Variants in GBF1 observed in about 807,000 individuals in gnomAD.
GBF1 encodes Golgi-specific brefeldin A-resistance guanine nucleotide exchange factor 1.
In GBF1, 114 loss-of-function variants were observed where a neutral mutation model predicts 210.5. That is an observed-to-expected ratio of 0.54 (90% confidence interval 0.47 to 0.63). The LOEUF is 0.63. GBF1 is among the 30% of genes least tolerant of loss of function. GBF1 has a pLI of 0.00. For synonymous variants in GBF1, 850 were observed against 889.2 expected, an observed-to-expected ratio of 0.96 and a Z score of 0.78; for missense variants, 1,851 against 2,357.7, an observed-to-expected ratio of 0.79 and a Z score of 4.45.
chr10:102,349,127 C>T (rs530734317), intron 4 of GBF1, among the ~76,000 whole-genome samples: 1 of 151,574 alleles, frequency 6.6e-6, no homozygotes, highest in Non-Finnish European at 1.5e-5. Flanking sequence ...CCAGCCTGGG[C>T]GATAGAGCAA....
At chr10:102,338,407 A>T (rs56223674) in intron 3 of GBF1, among the ~76,000 whole-genome samples, 3,746 of 151,090 alleles carry the variant, frequency 0.025, 75 homozygotes, top group Non-Finnish European at 0.037. Flanking sequence ...CACCAGGCTA[A>T]TTTTTTTTGT....
At chr10:102,233,960 C>T in the GBF1 span, among the ~76,000 whole-genome samples, 1 of 152,162 alleles carries the variant, frequency 6.6e-6, no homozygotes, top group Non-Finnish European at 1.5e-5. Flanking sequence ...AATACTGGGG[C>T]TCAAGACTCT....
chr10:102,301,531 G>T (rs1421041292), intron 3 of GBF1, among the ~76,000 whole-genome samples: 3 of 152,070 alleles, frequency 2.0e-5, no homozygotes. Context: ...GGGCGGAGGG[G>T]CTCCTCACTT....
chr10:102,291,007 TATTGA>T (rs1340962968), intron 3 of GBF1, among the ~76,000 whole-genome samples: 2 of 152,382 alleles, frequency 1.3e-5, no homozygotes, highest in Non-Finnish European at 2.9e-5. Context: ...GGGTTTTTCC[TATTGA>T]ATTATCTGTT....
the GBF1 span, among the ~76,000 whole-genome samples, chr10:102,236,782 G>C: frequency 6.6e-6 from 1 of 152,218 alleles, no homozygotes; most frequent in Non-Finnish European, 1.5e-5. Context: ...GAGGCTGGAG[G>C]CATAACCTGG....
rs1472053289 is a variant in GBF1 at position 102,301,570 on chromosome 10, G to T, written c.163+41454G>T. ...AGACTGGGCAGCTGCCGGGCGGAGGGGCTCCTCACTTCTCAGACGGGGCGG... is the reference window on the plus strand; with the variant it reads ...AGACTGGGCAGCTGCCGGGCGGAGGTGCTCCTCACTTCTCAGACGGGGCGG... On this transcript the variant is annotated intron_variant, in intron 3 of 39. Coordinates refer to ENST00000369983, the MANE Select transcript of GBF1 (RefSeq NM_001377137.1). Among the ~76,000 whole-genome samples the T allele has an allele frequency of 2.0e-5, 3 of 151,886 alleles. No homozygotes were observed. The East Asian group carries it at 5.8e-4, about 29-fold the overall frequency.
intron 3 of GBF1, among the ~76,000 whole-genome samples, chr10:102,262,359 A>G (rs1004805810): frequency 5.9e-5 from 9 of 151,884 alleles, no homozygotes; most frequent in Non-Finnish European, 1.3e-4. Context: ...TTTTAATTTT[A>G]CAGATAAAGC....
chr10:102,367,569 A>T lies in GBF1; in HGVS notation c.2642+9A>T, dbSNP rs1487379125. Reference sequence around the variant, plus strand: ...ATGTACCATGCCATCAAGTGAGTATACATAGAGAATAGTGCAGTATCTCTG... The same window carrying T: ...ATGTACCATGCCATCAAGTGAGTATTCATAGAGAATAGTGCAGTATCTCTG... On this transcript the variant is annotated intron_variant, in intron 21 of 39. Coordinates refer to ENST00000369983, the MANE Select transcript of GBF1 (RefSeq NM_001377137.1). 1 of 1,446,506 alleles carries T rather than the reference A, an allele frequency of 6.9e-7. No homozygotes were observed. The highest frequency in any genetic ancestry group is 9.7e-7 in the Non-Finnish European group (1 of 1,026,714). The allele number at this position is 1,446,506 out of a possible 1,614,324, so 89.6% of individuals were successfully genotyped here.
At chr10:102,378,226 A>G (rs2060628994) in intron 33 of GBF1, among the ~76,000 whole-genome samples, 1 of 151,938 alleles carries the variant, frequency 6.6e-6, no homozygotes, top group South Asian at 2.1e-4. Flanking sequence ...TCAAAAAAAA[A>G]AAAAAGAAAG....
At chr10:102,268,381 C>G (rs900494266) in intron 3 of GBF1, among the ~76,000 whole-genome samples, 6 of 152,202 alleles carry the variant, frequency 3.9e-5, no homozygotes, top group African/African-American at 1.4e-4. Context: ...AATAGTTTAG[C>G]TCTCAAAAAC....
chr10:102,369,222 C>T lies in GBF1; in HGVS notation c.2985C>T (p.Asn995=), dbSNP rs2060074016. 6.2e-7 allele frequency: 1 copy of T among 1,612,422 alleles called. No homozygotes were observed. Among genetic ancestry groups the T allele is most frequent in the African/African-American group, 1.3e-5 (1 of 75,018 alleles). Residue 995 remains asparagine (N), a synonymous_variant, in exon 24 of 40, where the codon AAC becomes AAT. Coordinates refer to ENST00000369983, the MANE Select transcript of GBF1 (RefSeq NM_001377137.1). ...TTCCTCTTTTCCAGTCTATTGAGAACCTGCCCAGTGTATTTGGAAGCAACC... is the reference window on the plus strand; with the variant it reads ...TTCCTCTTTTCCAGTCTATTGAGAATCTGCCCAGTGTATTTGGAAGCAACC... ...FTALSSESIE[N]LPSVFGSNPK... is the part of the protein sequence containing the mutation.
At chr10:102,245,916 G>A (rs988169310) in intron 1 of GBF1, 135 bp downstream of exon 1, 1 of 152,336 alleles carries the variant, frequency 6.6e-6, no homozygotes, top group Non-Finnish European at 1.5e-5. Flanking sequence ...AATAAGACGA[G>A]GGAAGGGTTG....
At chr10:102,378,724 A>G (rs573355436) in intron 33 of GBF1, among the ~76,000 whole-genome samples, 13 of 152,300 alleles carry the variant, frequency 8.5e-5, no homozygotes, top group African/African-American at 2.9e-4. Flanking sequence ...GCTTGGGCCC[A>G]GGAGCTCAAG....
intron 3 of GBF1, among the ~76,000 whole-genome samples, chr10:102,290,829 C>T (rs1243057921): frequency 1.3e-5 from 2 of 152,274 alleles, no homozygotes; most frequent in South Asian, 2.1e-4. Context: ...ATTATTTTCT[C>T]GAAGTAATAG....
At chr10:102,326,317 A>G (rs2056896257) in intron 3 of GBF1, among the ~76,000 whole-genome samples, 1 of 152,176 alleles carries the variant, frequency 6.6e-6, no homozygotes, top group Non-Finnish European at 1.5e-5. Flanking sequence ...CTTCAATGAG[A>G]ATATTATAAG....
chr10:102,277,754 A>G (rs1023463541), intron 3 of GBF1, among the ~76,000 whole-genome samples: 1 of 152,194 alleles, frequency 6.6e-6, no homozygotes, highest in African/African-American at 2.4e-5. Context: ...TAATTTAAGT[A>G]TAGTTATCAA....
In GBF1 at chr10:102,260,851, T is replaced by C. The variant is rs1029165927; in HGVS notation, c.163+735T>C. Among the ~76,000 whole-genome samples, 6 of 152,274 alleles carry C rather than the reference T, an allele frequency of 3.9e-5. 1 individual carries two copies. The highest frequency in any genetic ancestry group is 6.8e-3 in the Middle Eastern group (2 of 294). On this transcript the variant is annotated intron_variant, in intron 3 of 39. Coordinates refer to ENST00000369983, the MANE Select transcript of GBF1 (RefSeq NM_001377137.1). ...TGCAGTTTTCCAATCCTTGGTTTAT[T>C]GCATTGGTTTCAGTCTTCATGATCT...
chr10:102,324,885 G>A (rs2056759139), intron 3 of GBF1, among the ~76,000 whole-genome samples: 1 of 152,140 alleles, frequency 6.6e-6, no homozygotes, highest in African/African-American at 2.4e-5. Flanking sequence ...ACTGTACCTG[G>A]CTGATCTTTT....
At chr10:102,284,108 C>G (rs1211516190) in intron 3 of GBF1, among the ~76,000 whole-genome samples, 3 of 152,078 alleles carry the variant, frequency 2.0e-5, no homozygotes, top group Admixed American at 1.3e-4. Flanking sequence ...CTGCTTGTCT[C>G]TACAAAAACT....
Sources: allele counts gnomAD v4.1 joint callset (sites outside exome capture counted in the v4.1 genomes callset), GRCh38; gene constraint gnomAD v4.1.1; transcripts MANE v1.5; gene names NCBI Gene and HGNC (gene_info 2026-07-23, HGNC 2026-07-21).